The following MLLT10 variants were observed in gnomAD, a reference collection of about 807,000 sequenced individuals.
MLLT10 encodes the protein MLLT10 histone lysine methyltransferase DOT1L cofactor, also known as protein AF-10.
In MLLT10, 30 loss-of-function variants were observed where a neutral mutation model predicts 129.1. That is an observed-to-expected ratio of 0.23 (90% confidence interval 0.17 to 0.32). MLLT10 has a LOEUF of 0.32. Among genes scored for constraint, MLLT10 ranks in the 10% least tolerant of loss-of-function variants. The pLI is 1.00. For synonymous variants in MLLT10, 490 were observed against 446.4 expected (o/e 1.10, Z -1.23); for missense variants, 1,119 against 1,268.3 (o/e 0.88, Z 1.79).
Position 21,743,351 on chromosome 10 carries a change from T to A in MLLT10, c.*1368T>A. On this transcript the variant is annotated 3_prime_UTR_variant, in exon 23 of 23. Transcript: ENST00000307729. ...TTGTGACAAATTCATAAGATAACAT[T>A]GATATTTTGATTTGTAATATTTCTA... 4.6e-6 allele frequency: 1 copy of A among 215,158 alleles called. No homozygotes were observed. The highest frequency in any genetic ancestry group is 2.2e-5 in the African/African-American group (1 of 44,474). 13.3% of individuals were successfully genotyped at this position (215,158 alleles called of 1,614,324 possible).
At chr10:21,584,798 ATG>A (rs1042116437) in intron 3 of MLLT10, among the ~76,000 whole-genome samples, 7 of 151,460 alleles carry the variant, frequency 4.6e-5, no homozygotes, top group Admixed American at 1.3e-4. Context: ...TATATATATA[ATG>A]TGTGTGTTTA....
intron 5 of MLLT10, among the ~76,000 whole-genome samples, chr10:21,607,243 A>G (rs547950467): frequency 6.6e-6 from 1 of 151,698 alleles, no homozygotes; most frequent in Non-Finnish European, 1.5e-5. Flanking sequence ...ACATTTTGCT[A>G]TTATTATAAT....
chr10:21,665,324 T>C (rs907201615), intron 9 of MLLT10, among the ~76,000 whole-genome samples: 35 of 148,912 alleles, frequency 2.4e-4, no homozygotes, highest in Non-Finnish European at 1.8e-4. Flanking sequence ...GTTTCACTCT[T>C]GTTGCCCAGG....
intron 3 of MLLT10, among the ~76,000 whole-genome samples, chr10:21,568,795 C>T (rs2039879592): frequency 2.0e-5 from 3 of 152,138 alleles, no homozygotes; most frequent in Admixed American, 2.0e-4. Flanking sequence ...TGCTACCATG[C>T]CCGGCTAATG....
intron 13 of MLLT10, among the ~76,000 whole-genome samples, chr10:21,699,249 TTTAA>T (rs1353365114): frequency 6.6e-6 from 1 of 152,074 alleles, no homozygotes; most frequent in African/African-American, 2.4e-5. Flanking sequence ...TTTTTTTTTT[TTTAA>T]TTGTTGTTTG....
chr10:21,587,991 A>G (rs1295677762), intron 4 of MLLT10, among the ~76,000 whole-genome samples: 1 of 151,930 alleles, frequency 6.6e-6, no homozygotes, highest in Non-Finnish European at 1.5e-5. Context: ...AAATGGGTTA[A>G]TATTATATAC....
intron 8 of MLLT10, among the ~76,000 whole-genome samples, chr10:21,617,612 T>C (rs1164585638): frequency 6.6e-6 from 1 of 152,178 alleles, no homozygotes; most frequent in East Asian, 1.9e-4. Flanking sequence ...GGCTATTTTT[T>C]CTTTTTCAGT....
At chr10:21,712,338 A>G (rs2056181715) in intron 13 of MLLT10, among the ~76,000 whole-genome samples, 1 of 151,962 alleles carries the variant, frequency 6.6e-6, no homozygotes, top group Admixed American at 6.6e-5. Flanking sequence ...CTCAGTCCCC[A>G]AGGTAGCTGG....
chr10:21,590,039 T>A (rs2131108339), intron 4 of MLLT10, among the ~76,000 whole-genome samples: 1 of 152,276 alleles, frequency 6.6e-6, no homozygotes, highest in South Asian at 2.1e-4. Flanking sequence ...ATTCAAGTGA[T>A]CCTTCTGCCT....
chr10:21,556,817 G>A (rs761495062), intron 3 of MLLT10: 5 of 1,563,654 alleles, frequency 3.2e-6, no homozygotes, highest in African/African-American at 1.4e-5. Flanking sequence ...AGCTTTCTTC[G>A]GTCCTCAGTC....
intron 13 of MLLT10, among the ~76,000 whole-genome samples, chr10:21,706,645 T>C (rs1005760125): frequency 6.6e-5 from 10 of 152,250 alleles, no homozygotes; most frequent in Non-Finnish European, 1.3e-4. Flanking sequence ...GGGTACTTAC[T>C]TGACCTCCTA....
chr10:21,582,640 C>T (rs1186698268), intron 3 of MLLT10, among the ~76,000 whole-genome samples: 1 of 152,010 alleles, frequency 6.6e-6, no homozygotes, highest in Non-Finnish European at 1.5e-5. Context: ...GTGATGCTTG[C>T]TTTAAGTAGG....
intron 8 of MLLT10, among the ~76,000 whole-genome samples, chr10:21,628,778 G>A (rs1298745509): frequency 2.5e-5 from 3 of 121,688 alleles, no homozygotes; most frequent in East Asian, 4.8e-4. Context: ...ACAGAGTCTC[G>A]CTCTGTCTCC....
In MLLT10 at chr10:21,717,620, TTCCTCCTCC is replaced by T. The variant is rs776745862; in HGVS notation, c.1878+3681_1878+3689del. Among the ~76,000 whole-genome samples the T allele has an allele frequency of 9.6e-5, 10 of 104,202 alleles. No homozygotes were observed. The South Asian group carries it at 1.9e-3, about 20-fold the overall frequency. The allele number at this position is 104,202 out of a possible 152,430, so 68.4% of individuals were successfully genotyped here. ...TTCTTTCTTCCTCTTCTTCCTCCTC[TTCCTCCTCC>T]TCCTCCTCCTTTTCCTCCTCCTCTT... On this transcript the variant is annotated intron_variant, in intron 14 of 22. Transcript: ENST00000307729.
chr10:21,634,642 G>A (rs2047297002), intron 8 of MLLT10, among the ~76,000 whole-genome samples: 1 of 152,186 alleles, frequency 6.6e-6, no homozygotes, highest in African/African-American at 2.4e-5. Flanking sequence ...GTAATAATGT[G>A]ATGATTTTCT....
intron 9 of MLLT10, among the ~76,000 whole-genome samples, chr10:21,660,578 T>C (rs2050078309): frequency 7.4e-6 from 1 of 134,792 alleles, no homozygotes; most frequent in Non-Finnish European, 1.5e-5. Context: ...ATCTCACCAC[T>C]GCACTCCAGC....
At chr10:21,687,755 G>A (rs2053447945) in intron 13 of MLLT10, among the ~76,000 whole-genome samples, 1 of 151,698 alleles carries the variant, frequency 6.6e-6, no homozygotes, top group Non-Finnish European at 1.5e-5. Flanking sequence ...CTAGAGAAAG[G>A]CACCTGACCG....
intron 13 of MLLT10, among the ~76,000 whole-genome samples, chr10:21,699,544 A>G (rs1257661652): frequency 1.3e-5 from 2 of 151,812 alleles, no homozygotes; most frequent in Non-Finnish European, 1.5e-5. Flanking sequence ...TCTTGGGTTG[A>G]CTTTTGTGTA....
In MLLT10 at chr10:21,742,210, G is replaced by C; in HGVS notation, c.*227G>C. 2.4e-6 allele frequency: 1 copy of C among 413,472 alleles called. No individual in the cohort carries two copies. Among genetic ancestry groups the C allele is most frequent in the Non-Finnish European group, 4.3e-6 (1 of 234,500 alleles). 25.6% of individuals were successfully genotyped at this position (413,472 alleles called of 1,614,324 possible). ...CCCCTACCCCTTACCCCAGTTTTTT[G>C]AACATGGAAAGAAAATTTAATAACT... On this transcript the variant is annotated 3_prime_UTR_variant, in exon 23 of 23. Coordinates refer to ENST00000307729, the MANE Select transcript of MLLT10 (RefSeq NM_001195626.3).
Sources: gnomAD v4.1 joint callset for allele counts (sites outside exome capture counted in the v4.1 genomes callset) on GRCh38, gnomAD v4.1.1 for gene constraint, MANE v1.5 for transcripts, NCBI Gene and HGNC (gene_info 2026-07-23, HGNC 2026-07-21) for gene names.